Variants in VPS53 observed in about 807,000 individuals in gnomAD.
VPS53 encodes vacuolar protein sorting-associated protein 53 homolog.
A neutral mutation model predicts 107.0 loss-of-function variants in VPS53; 70 were observed. The observed-to-expected ratio is 0.65, with a 90% CI of 0.54 to 0.80. The LOEUF (loss-of-function observed/expected upper bound fraction) is 0.80. Ranked by LOEUF, VPS53 falls within the 30% of genes least tolerant of loss-of-function variation. The pLI is 0.00. For synonymous variants in VPS53, 409 were observed against 393.3 expected (o/e 1.04, Z -0.47); for missense variants, 917 against 1,049.4 (o/e 0.87, Z 1.74).
At chr17:598,421 C>G (rs545112483) in intron 12 of VPS53, among the ~76,000 whole-genome samples, 1,887 of 151,526 alleles carry the variant, frequency 0.012, 15 homozygotes, top group African/African-American at 0.043. Flanking sequence ...CCTGGCCGCC[C>G]ATCATCTGGG....
intron 1 of VPS53, among the ~76,000 whole-genome samples, chr17:711,943 A>G (rs902972179): frequency 5.3e-5 from 8 of 151,408 alleles, no homozygotes; most frequent in African/African-American, 1.9e-4. Context: ...CAGCCTCTTG[A>G]GAAGGTGGGA....
rs1968879688 is a variant in VPS53 at position 611,648 on chromosome 17, C to T, written c.1117-9752G>A. 2.6e-5 allele frequency among the ~76,000 whole-genome samples: 4 copies of T among 152,244 alleles called. No individual in the cohort carries two copies. The South Asian group carries it at 8.3e-4, about 32-fold the overall frequency. ...CTGTACAAATATTCACAGCAGTATT[C>T]ATACAGTGAAAACCTGTACCGATAT... On this transcript the variant is annotated intron_variant, in intron 11 of 21. Transcript: ENST00000437048.
chr17:670,632 G>A (rs1971896006), intron 4 of VPS53, among the ~76,000 whole-genome samples: 3 of 152,162 alleles, frequency 2.0e-5, no homozygotes, highest in South Asian at 2.1e-4. Flanking sequence ...GCATCCCTCT[G>A]GCTCTCAGGT....
intron 4 of VPS53, among the ~76,000 whole-genome samples, chr17:668,818 G>T (rs528566385): frequency 6.6e-6 from 1 of 152,144 alleles, no homozygotes; most frequent in Non-Finnish European, 1.5e-5. Flanking sequence ...CTATCTCAGA[G>T]AAAGGGTTTC....
At chr17:662,869 G>GGAAGGAAGGAAGGAAGGAAGGAAC (rs1567720212) in intron 4 of VPS53, among the ~76,000 whole-genome samples, 9 of 102,890 alleles carry the variant, frequency 8.7e-5, no homozygotes, top group African/African-American at 2.7e-4. Context: ...AAGGAAGGAA[G>GGAAGGAAGGAAGGAAGGAAGGAAC]GAACGAAGGA....
At chr17:636,623 T>A (rs1970207841) in intron 7 of VPS53, among the ~76,000 whole-genome samples, 1 of 152,228 alleles carries the variant, frequency 6.6e-6, no homozygotes, top group Admixed American at 6.5e-5. Context: ...GTTTTTAGCA[T>A]GAAGGGCTGT....
intron 7 of VPS53, among the ~76,000 whole-genome samples, chr17:635,820 T>A (rs1210061483): frequency 6.6e-6 from 1 of 152,220 alleles, no homozygotes; most frequent in Non-Finnish European, 1.5e-5. Flanking sequence ...TAGTTTGAAG[T>A]CAGGTAGCAT....
intron 17 of VPS53, among the ~76,000 whole-genome samples, chr17:540,734 A>T: frequency 6.6e-6 from 1 of 152,160 alleles, no homozygotes; most frequent in East Asian, 1.9e-4. Context: ...TATCTAAATG[A>T]GACACAGTTT....
intron 9 of VPS53, 39 bp from the exon 10 acceptor site, chr17:627,355 G>A: frequency 6.3e-7 from 1 of 1,589,134 alleles, no homozygotes; most frequent in Non-Finnish European, 8.6e-7. Flanking sequence ...CCAGTGGTTA[G>A]AAGTAGAAAT....
chr17:706,621 G>C (rs1397032579), intron 2 of VPS53, among the ~76,000 whole-genome samples: 1 of 151,896 alleles, frequency 6.6e-6, no homozygotes, highest in Non-Finnish European at 1.5e-5. Flanking sequence ...TAACTATCAA[G>C]ATAGACTATG....
rs184370753 is a variant in VPS53, at chr17:639,016, C to G, written c.609-7388G>C. 9.5e-3 allele frequency among the ~76,000 whole-genome samples: 1,441 copies of G among 152,274 alleles called. 16 individuals are homozygous for G. Among genetic ancestry groups the G allele is most frequent in the Non-Finnish European group, 0.015 (1,040 of 68,038 alleles). ...GAATAATATCCTGCAGAGTGTTTTC[C>G]AACTTGGTTCCATTCTCCCCATCAC... On this transcript the variant is annotated intron_variant, in intron 7 of 21. Coordinates refer to ENST00000437048, the MANE Select transcript of VPS53 (RefSeq NM_001128159.3).
chr17:618,563 G>T (rs34926554), intron 11 of VPS53, among the ~76,000 whole-genome samples: 1 of 138,744 alleles, frequency 7.2e-6, no homozygotes. Context: ...ATCAGGCCCC[G>T]CTATTATTTC....
chr17:562,302 G>A (rs190893891), intron 14 of VPS53, among the ~76,000 whole-genome samples: 2 of 152,286 alleles, frequency 1.3e-5, no homozygotes, highest in East Asian at 3.9e-4. Context: ...TGGGCAGTCA[G>A]TGTGGACATT....
In VPS53 at chr17:607,722, T is replaced by C. The variant is rs576066073; in HGVS notation, c.1117-5826A>G. ...CCAATTTTGAAAGAATTCATTCTTT[T>C]TGCTATGATGACAGTTGATTTCAAG... is the stretch of plus-strand genomic sequence containing the variant. On this transcript the variant is annotated intron_variant, in intron 11 of 21. Coordinates refer to ENST00000437048, the MANE Select transcript of VPS53 (RefSeq NM_001128159.3). Among the ~76,000 whole-genome samples, 6 of 152,354 alleles carry C rather than the reference T, an allele frequency of 3.9e-5. No homozygotes were observed. The South Asian group carries it at 1.0e-3, about 26-fold the overall frequency.
intron 17 of VPS53, among the ~76,000 whole-genome samples, chr17:547,187 T>C (rs551770788): frequency 1.2e-4 from 19 of 152,318 alleles, no homozygotes; most frequent in African/African-American, 4.6e-4. Flanking sequence ...TTTAGGTACA[T>C]ATTGAAGAGA....
intron 4 of VPS53, among the ~76,000 whole-genome samples, chr17:687,574 CAAA>C (rs1051720595): frequency 2.2e-5 from 2 of 89,454 alleles, no homozygotes; most frequent in African/African-American, 4.1e-5. Flanking sequence ...GACTCAGTCT[CAAA>C]AAAAAAAAAA....
chr17:604,019 A>C (rs1968446091), intron 11 of VPS53, among the ~76,000 whole-genome samples: 2 of 152,242 alleles, frequency 1.3e-5, no homozygotes, highest in Non-Finnish European at 2.9e-5. Context: ...AAGTCAGCTA[A>C]CTGAAGTTAA....
At chr17:643,156 G>T (rs371862762) in intron 7 of VPS53, among the ~76,000 whole-genome samples, 8 of 65,090 alleles carry the variant, frequency 1.2e-4, no homozygotes, top group Non-Finnish European at 1.4e-4. Flanking sequence ...TACTTGGAAA[G>T]CGAGGACAAC....
At chr17:554,060 T>G (rs1482896437) in intron 15 of VPS53, among the ~76,000 whole-genome samples, 2 of 152,198 alleles carry the variant, frequency 1.3e-5, no homozygotes, top group African/African-American at 4.8e-5. Context: ...CAACTCATTC[T>G]GAAAAGACGC....
Sources: allele counts gnomAD v4.1 joint callset (sites outside exome capture counted in the v4.1 genomes callset), GRCh38; gene constraint gnomAD v4.1.1; transcripts MANE v1.5; gene names NCBI Gene and HGNC (gene_info 2026-07-23, HGNC 2026-07-21).